The following FAM227A variants were observed in gnomAD, a reference collection of about 807,000 sequenced individuals.
The protein encoded by FAM227A is protein FAM227A.
Under a neutral mutation model 74.7 loss-of-function variants are expected in FAM227A, and 80 were observed. That is an observed-to-expected ratio of 1.07 (90% CI 0.89 to 1.29). The LOEUF (loss-of-function observed/expected upper bound fraction) is 1.29. Among genes scored for constraint, FAM227A ranks in the 50% most tolerant of loss-of-function variants. The probability of loss-of-function intolerance (pLI) is 0.00; values close to 1 mark genes in which losing one functional copy is unlikely to be tolerated. For missense variants in FAM227A, 654 were observed against 683.4 expected (o/e 0.96, Z 0.48); for synonymous variants, 237 against 241.8 (o/e 0.98, Z 0.19).
chr22:38,638,946 C>T (rs779775542), intron 4 of FAM227A, 124 bp from the exon 5 acceptor site: 9 of 609,888 alleles, frequency 1.5e-5, no homozygotes, highest in Non-Finnish European at 1.4e-5. Context: ...CTACTAGTCT[C>T]ATAGGTCCCA....
rs532576331 is a variant in FAM227A, at chr22:38,644,712, T to C, written c.225+851A>G. Among the ~76,000 whole-genome samples the C allele has an allele frequency of 2.0e-5, 3 of 152,322 alleles. No homozygotes were observed. In the South Asian group the frequency reaches 6.2e-4, roughly 32 times the overall value. On this transcript the variant is annotated intron_variant, in intron 3 of 16. Transcript: ENST00000535113. ...TATGGAATGTCAACAGTGGGGGAGA[T>C]TGTGCATGCGCAGGAGCAGAGGGTG...
At chr22:38,629,754 A>G (rs1427006276) in intron 6 of FAM227A, among the ~76,000 whole-genome samples, 15 of 5,236 alleles carry the variant, frequency 2.9e-3, no homozygotes, top group African/African-American at 0.012. Context: ...CCTCTTCTTT[A>G]CCATCACTCA....
At chr22:38,636,698 T>C in intron 5 of FAM227A, 101 bp from the exon 6 acceptor site, 2 of 1,077,482 alleles carry the variant, frequency 1.9e-6, no homozygotes, top group Non-Finnish European at 2.6e-6. Context: ...TATAACAACC[T>C]TATAGAATGT....
At chr22:38,647,581 C>T (rs1050687584) in intron 2 of FAM227A, among the ~76,000 whole-genome samples, 4 of 152,144 alleles carry the variant, frequency 2.6e-5, no homozygotes, top group Non-Finnish European at 5.9e-5. Context: ...CAGATGACGG[C>T]GTCAAAGGGT....
intron 5 of FAM227A, among the ~76,000 whole-genome samples, chr22:38,637,261 T>A (rs1339544106): frequency 6.6e-6 from 1 of 152,208 alleles, no homozygotes; most frequent in Admixed American, 6.5e-5. Context: ...TCATTTAAGA[T>A]GATATATCCT....
At chr22:38,593,238 C>G (rs1002652585) in intron 15 of FAM227A, among the ~76,000 whole-genome samples, 2 of 152,240 alleles carry the variant, frequency 1.3e-5, no homozygotes, top group Admixed American at 6.5e-5. Context: ...GGCGCAGTGG[C>G]TCACGCCTAT....
At chr22:38,632,351 G>A (rs896610646) in intron 6 of FAM227A, among the ~76,000 whole-genome samples, 4 of 152,258 alleles carry the variant, frequency 2.6e-5, no homozygotes, top group East Asian at 1.9e-4. Flanking sequence ...CTGGGTTAGA[G>A]GGCTCCACCC....
intron 16 of FAM227A, among the ~76,000 whole-genome samples, chr22:38,588,949 AAAG>A (rs925766731): frequency 1.4e-4 from 21 of 152,016 alleles, no homozygotes; most frequent in Middle Eastern, 3.4e-3. Flanking sequence ...AAAAAGAAAA[AAAG>A]AAGAAGAAGA....
intron 16 of FAM227A, among the ~76,000 whole-genome samples, chr22:38,590,986 T>C (rs1048775892): frequency 2.6e-5 from 4 of 152,148 alleles, no homozygotes; most frequent in Admixed American, 6.5e-5. Flanking sequence ...GGTTTCACCA[T>C]GTTGGCCAGG....
rs765996255 is a variant in FAM227A at position 38,628,243 on chromosome 22, A to G, written c.721T>C (p.Leu241=). The change falls in exon 8 of 17, where the codon TTA becomes CTA. Residue 241 remains leucine (L), a synonymous_variant. Transcript: ENST00000535113. ...VPKSHSEEAL[L]KRLPSLLSKA... is the part of the protein sequence containing the mutation. ...AGATAGTGGCTGATGCTCACTTTTAAGAGCGCCTCTTCAGAGTGGGACTTG... is the reference window on the plus strand; with the variant it reads ...AGATAGTGGCTGATGCTCACTTTTAGGAGCGCCTCTTCAGAGTGGGACTTG... 2 of 1,541,616 alleles carry G rather than the reference A, an allele frequency of 1.3e-6. No individual in the cohort carries two copies. The highest frequency in any genetic ancestry group is 1.8e-6 in the Non-Finnish European group (2 of 1,137,834).
intron 1 of FAM227A, among the ~76,000 whole-genome samples, chr22:38,651,572 G>A (rs1173781359): frequency 6.6e-6 from 1 of 151,984 alleles, no homozygotes; most frequent in Non-Finnish European, 1.5e-5. Flanking sequence ...ATTTTGGCCA[G>A]GCTGGTCTCG....
In FAM227A at chr22:38,645,768, A is replaced by C. The variant is rs2092224766; in HGVS notation, c.143-123T>G. 5 of 622,732 alleles carry C rather than the reference A, an allele frequency of 8.0e-6. No homozygotes were observed. In the East Asian group the frequency reaches 1.5e-4, roughly 19 times the overall value. 38.6% of individuals were successfully genotyped at this position (622,732 alleles called of 1,614,324 possible). On this transcript the variant is annotated intron_variant, in intron 2 of 16. Coordinates refer to ENST00000535113, the MANE Select transcript of FAM227A (RefSeq NM_001013647.2). The stretch of plus-strand genomic sequence containing the variant: ...CTCTCTCCTTAATTATTTTCTTTGC[A>C]TTCAGAGTTTTCACATTTCTTTCTT...
In FAM227A at chr22:38,591,415, A is replaced by G. The variant is rs773033845; in HGVS notation, c.1638+20T>C. ...TTTGTTCGAACAACCCTTAAACTCA[A>G]TTTCTCTTTGGAGACTTCCCTTAGT... is the stretch of plus-strand genomic sequence containing the variant. On this transcript the variant is annotated intron_variant, in intron 16 of 16. Transcript: ENST00000535113. 10 of 1,550,556 alleles carry G rather than the reference A, an allele frequency of 6.4e-6. No homozygotes were observed. Among genetic ancestry groups the G allele is most frequent in the South Asian group, 1.2e-5 (1 of 83,772 alleles).
chr22:38,649,940 T>C lies in FAM227A; in HGVS notation c.142+87A>G, dbSNP rs138394691. 248 of 1,200,952 alleles carry C rather than the reference T, an allele frequency of 2.1e-4. No homozygotes were observed. The East Asian group carries it at 5.3e-3, about 26-fold the overall frequency. 74.4% of individuals were successfully genotyped at this position (1,200,952 alleles called of 1,614,324 possible). ...ACAAGCTAATAAGTAATGTGCATTA[T>C]AGACCTGAGCACTGATTAGATCTCT... On this transcript the variant is annotated intron_variant, in intron 2 of 16. Coordinates refer to ENST00000535113, the MANE Select transcript of FAM227A (RefSeq NM_001013647.2).
In FAM227A at chr22:38,580,167, A is replaced by G. The variant is rs2090694629; in HGVS notation, c.*5958T>C. The G allele has an allele frequency of 6.6e-6, 1 of 152,200 alleles. No homozygotes were observed. The highest frequency in any genetic ancestry group is 1.5e-5 in the Non-Finnish European group (1 of 68,072). 9.4% of individuals were successfully genotyped at this position (152,200 alleles called of 1,614,324 possible). ...CCTCCTGGGCTCTAGGGGTTCTTCCACCTTGGCCTCCTAAAGTGCTGGGAT... is the reference window on the plus strand; with the variant it reads ...CCTCCTGGGCTCTAGGGGTTCTTCCGCCTTGGCCTCCTAAAGTGCTGGGAT... On this transcript the variant is annotated 3_prime_UTR_variant, in exon 17 of 17. Coordinates refer to ENST00000535113, the MANE Select transcript of FAM227A (RefSeq NM_001013647.2).
At chr22:38,595,320 G>A (rs752238929) in intron 15 of FAM227A, among the ~76,000 whole-genome samples, 30 of 152,050 alleles carry the variant, frequency 2.0e-4, no homozygotes, top group Admixed American at 2.6e-4. Flanking sequence ...TGGAAATCTC[G>A]CCCTCCTTGG....
chr22:38,633,454 C>T (rs1408267406), intron 6 of FAM227A, among the ~76,000 whole-genome samples: 5 of 152,178 alleles, frequency 3.3e-5, no homozygotes, highest in Admixed American at 2.0e-4. Flanking sequence ...GCAAACTGTG[C>T]AGGAACAGCG....
intron 11 of FAM227A, among the ~76,000 whole-genome samples, 189 bp from the exon 12 acceptor site, chr22:38,607,665 T>G (rs2091314286): frequency 6.6e-6 from 1 of 152,234 alleles, no homozygotes; most frequent in Non-Finnish European, 1.5e-5. Context: ...CAGCAGTGGC[T>G]GATGTGGAGA....
chr22:38,638,824 T>A lies in FAM227A; in HGVS notation c.296-2A>T. On this transcript the variant is annotated splice_acceptor_variant, in intron 4 of 16. Coordinates refer to ENST00000535113, the MANE Select transcript of FAM227A (RefSeq NM_001013647.2). LOFTEE classifies it high-confidence loss of function. ...ACTGAGATTTCCTTTGTCTCTTGAC[T>A]GCAGAAAAATGGAGAAAGAGATAAA... The A allele has an allele frequency of 6.5e-7, 1 of 1,527,432 alleles. No homozygotes were observed. The highest frequency in any genetic ancestry group is 8.8e-7 in the Non-Finnish European group (1 of 1,136,082). 94.6% of individuals were successfully genotyped at this position (1,527,432 alleles called of 1,614,324 possible). A position where few individuals can be genotyped will look rare whatever the true frequency, so the allele number is the denominator to read the frequency against.
Sources: gnomAD v4.1 joint callset for allele counts (sites outside exome capture counted in the v4.1 genomes callset) on GRCh38, gnomAD v4.1.1 for gene constraint, MANE v1.5 for transcripts, NCBI Gene and HGNC (gene_info 2026-07-23, HGNC 2026-07-21) for gene names.